Variants in KLHL41 observed in about 807,000 individuals in gnomAD.
The protein encoded by KLHL41 is kelch-like protein 41.
Under a neutral mutation model 49.2 loss-of-function variants are expected in KLHL41, and 31 were observed. The ratio of observed to expected loss-of-function variants is 0.63; its 90% CI spans 0.47 to 0.85. The LOEUF (loss-of-function observed/expected upper bound fraction) is 0.85. KLHL41 is among the 40% of genes least tolerant of loss of function. KLHL41 has a pLI of 0.00. For missense variants in KLHL41, 663 were observed against 726.7 expected (o/e 0.91, Z 1.01); for synonymous variants, 218 against 258.5 (o/e 0.84, Z 1.50).
chr2:169,524,572 A>G (rs1684267740), intron 5 of KLHL41, among the ~76,000 whole-genome samples: 1 of 151,684 alleles, frequency 6.6e-6, no homozygotes, highest in Admixed American at 6.6e-5. Context: ...TAATTTTTAT[A>G]TTTTTAGTAG....
chr2:169,513,832 C>T (rs997916783), intron 1 of KLHL41, among the ~76,000 whole-genome samples: 2 of 152,100 alleles, frequency 1.3e-5, no homozygotes, highest in East Asian at 1.9e-4. Flanking sequence ...ACAGATGCCA[C>T]CATCATCTAC....
At chr2:169,511,193 C>T (rs541516892) in intron 1 of KLHL41, among the ~76,000 whole-genome samples, 10 of 152,206 alleles carry the variant, frequency 6.6e-5, no homozygotes, top group African/African-American at 2.4e-4. Flanking sequence ...TCCCTCAAAG[C>T]CCAGTATTTT....
At chr2:169,522,603 G>A (rs1684219148) in intron 5 of KLHL41, among the ~76,000 whole-genome samples, 1 of 150,916 alleles carries the variant, frequency 6.6e-6, no homozygotes, top group South Asian at 2.1e-4. Context: ...CATCTGGGAT[G>A]CTTTTAAAAT....
intron 1 of KLHL41, among the ~76,000 whole-genome samples, chr2:169,513,748 AAC>A (rs1684065653): frequency 6.6e-6 from 1 of 152,220 alleles, no homozygotes; most frequent in Non-Finnish European, 1.5e-5. Context: ...TCTTGCAGAA[AAC>A]AGTTTTCTTG....
intron 5 of KLHL41, among the ~76,000 whole-genome samples, chr2:169,523,350 T>C (rs770001475): frequency 1.3e-5 from 2 of 152,164 alleles, no homozygotes; most frequent in Non-Finnish European, 2.9e-5. Flanking sequence ...CCCACTTATA[T>C]TGACTGCAAT....
At chr2:169,512,909 C>G (rs974679226) in intron 1 of KLHL41, among the ~76,000 whole-genome samples, 1 of 151,930 alleles carries the variant, frequency 6.6e-6, no homozygotes, top group African/African-American at 2.4e-5. Flanking sequence ...ATTTTTTCCC[C>G]CACTCATTAA....
chr2:169,518,067 T>C, intron 3 of KLHL41, 123 bp from the exon 4 acceptor site: 1 of 676,158 alleles, frequency 1.5e-6, no homozygotes, highest in Non-Finnish European at 2.5e-6. Flanking sequence ...TATGTTCAAA[T>C]TAAGAATTCT....
chr2:169,519,122 C>T (rs188889727), intron 4 of KLHL41, among the ~76,000 whole-genome samples: 2 of 152,150 alleles, frequency 1.3e-5, no homozygotes, highest in Non-Finnish European at 2.9e-5. Flanking sequence ...AGTTTTCATT[C>T]CTTTACGCTG....
chr2:169,510,227 T>C lies in KLHL41; in HGVS notation c.449T>C (p.Leu150Pro). Residue 150 changes from leucine to proline, a missense_variant, in exon 1 of 6, where the codon CTC (leucine) becomes CCC (proline). Around this residue, in one of 3 missense-constraint regions of KLHL41, gnomAD observed 528 missense variants for 581.0 expected, o/e 0.91. Coordinates refer to ENST00000284669, the MANE Select transcript of KLHL41 (RefSeq NM_006063.3). This position sits in a 1 kb window ranked among gnomAD's most constrained non-coding sequence, Gnocchi z 4.2. ...GGACTTCTTCTTGACTGCCCGAGAC[T>C]CGCCATTTCTGCCCGTGAATTTGTG... is the stretch of plus-strand genomic sequence containing the variant. ...RLGLLLDCPRLAISAREFVSD... is the reference protein window; with the variant it reads ...RLGLLLDCPRPAISAREFVSD... 6.2e-7 allele frequency: 1 copy of C among 1,614,080 alleles called. No individual in the cohort carries two copies. Among genetic ancestry groups the C allele is most frequent in the Non-Finnish European group, 8.5e-7 (1 of 1,180,034 alleles).
chr2:169,511,774 A>T (rs1388134050), intron 1 of KLHL41, among the ~76,000 whole-genome samples: 1 of 152,238 alleles, frequency 6.6e-6, no homozygotes, highest in Non-Finnish European at 1.5e-5. Flanking sequence ...ACATTTAGAC[A>T]TTATTAGAAC....
intron 3 of KLHL41, among the ~76,000 whole-genome samples, chr2:169,515,190 C>A (rs765654711): frequency 1.3e-5 from 2 of 151,932 alleles, no homozygotes; most frequent in Non-Finnish European, 2.9e-5. Flanking sequence ...TGCTCCACCA[C>A]GCCTGGCTAA....
intron 5 of KLHL41, among the ~76,000 whole-genome samples, chr2:169,522,610 A>G (rs1684219239): frequency 6.6e-6 from 1 of 151,846 alleles, no homozygotes; most frequent in African/African-American, 2.4e-5. Context: ...GATGCTTTTA[A>G]AATATACCAG....
At chr2:169,522,638 A>G (rs1684219465) in intron 5 of KLHL41, among the ~76,000 whole-genome samples, 1 of 151,408 alleles carries the variant, frequency 6.6e-6, no homozygotes, top group Non-Finnish European at 1.5e-5. Context: ...GCCTTAACAC[A>G]GACCAATTAT....
At chr2:169,515,300 T>G (rs1262423640) in intron 3 of KLHL41, among the ~76,000 whole-genome samples, 1 of 152,204 alleles carries the variant, frequency 6.6e-6, no homozygotes, top group Non-Finnish European at 1.5e-5. Flanking sequence ...CCCAAAGTGC[T>G]AGGATTATAG....
At chr2:169,520,335 C>G (rs192566373) in intron 4 of KLHL41, among the ~76,000 whole-genome samples, 1 of 113,654 alleles carries the variant, frequency 8.8e-6, no homozygotes, top group African/African-American at 3.0e-5. Context: ...TGTGTGGAGG[C>G]AGTCCATTTT....
chr2:169,518,385 C>T lies in KLHL41; in HGVS notation c.1562+10C>T. The stretch of plus-strand genomic sequence containing the variant: ...ACCTTACAACAAATAAGTGAGTTGC[C>T]ACATCTTAGTATATAGCATGTGAAC... On this transcript the variant is annotated intron_variant, in intron 4 of 5. Coordinates refer to ENST00000284669, the MANE Select transcript of KLHL41 (RefSeq NM_006063.3). 1 of 1,594,126 alleles carries T rather than the reference C, an allele frequency of 6.3e-7. No individual in the cohort carries two copies. The highest frequency in any genetic ancestry group is 8.6e-7 in the Non-Finnish European group (1 of 1,165,050).
intron 5 of KLHL41, among the ~76,000 whole-genome samples, chr2:169,521,594 T>C (rs933641934): frequency 1.3e-5 from 2 of 152,164 alleles, no homozygotes; most frequent in Non-Finnish European, 2.9e-5. Flanking sequence ...CATTTCGCCA[T>C]GTTGGCCAGG....
In KLHL41 at chr2:169,518,354, C is replaced by G; in HGVS notation, c.1541C>G (p.Ala514Gly). Residue 514 changes from alanine (A) to glycine (G), a missense_variant, in exon 4 of 6, where the codon GCT (alanine) becomes GGT (glycine). By Grantham distance (60) the Ala-to-Gly change is moderately conservative (BLOSUM62 0). Around this residue, in one of 3 missense-constraint regions of KLHL41, gnomAD observed 528 missense variants for 581.0 expected, o/e 0.91. Coordinates refer to ENST00000284669, the MANE Select transcript of KLHL41 (RefSeq NM_006063.3). The stretch of plus-strand genomic sequence containing the variant: ...GATGGTCTTTCAGCTTCAGTTGAAG[C>G]TTTTGACCTTACAACAAATAAGTGA... ...TEDGLSASVE[A>G]FDLTTNKWDV... 6.2e-7 allele frequency: 1 copy of G among 1,612,796 alleles called. No individual in the cohort carries two copies. Among genetic ancestry groups the G allele is most frequent in the Non-Finnish European group, 8.5e-7 (1 of 1,179,476 alleles).
intron 4 of KLHL41, among the ~76,000 whole-genome samples, chr2:169,518,904 T>G (rs890109965): frequency 1.3e-5 from 2 of 152,170 alleles, no homozygotes; most frequent in African/African-American, 4.8e-5. Flanking sequence ...GGTCTCTAAC[T>G]CCTGGCCTCA....
Sources: allele counts gnomAD v4.1 joint callset (sites outside exome capture counted in the v4.1 genomes callset), GRCh38; gene constraint gnomAD v4.1.1; regional missense constraint gnomAD v4.1.1; non-coding constraint Gnocchi (gnomAD v3.1); transcripts MANE v1.5; gene names NCBI Gene and HGNC (gene_info 2026-07-23, HGNC 2026-07-21).